Variants in APPBP2 observed in about 807,000 individuals in gnomAD.
APPBP2 encodes amyloid protein-binding protein 2.
A neutral mutation model predicts 76.0 loss-of-function variants in APPBP2; 15 were observed. The observed-to-expected ratio is 0.20, with a 90% CI of 0.13 to 0.30. The LOEUF (loss-of-function observed/expected upper bound fraction) is 0.30. Among genes scored for constraint, APPBP2 ranks in the 10% least tolerant of loss-of-function variants. The pLI is 1.00. For synonymous variants in APPBP2, 222 were observed against 242.2 expected, an observed-to-expected ratio of 0.92 and a Z score of 0.77; for missense variants, 401 against 687.2, an observed-to-expected ratio of 0.58 and a Z score of 4.66.
chr17:60,481,333 G>GT (rs1225908762), intron 3 of APPBP2, among the ~76,000 whole-genome samples: 2 of 152,184 alleles, frequency 1.3e-5, no homozygotes, highest in Non-Finnish European at 2.9e-5. Context: ...GCTCATGCCT[G>GT]TAATTCCAGC....
chr17:60,458,838 T>C (rs936499208), intron 9 of APPBP2, among the ~76,000 whole-genome samples: 1 of 151,658 alleles, frequency 6.6e-6, no homozygotes, highest in East Asian at 2.0e-4. Flanking sequence ...GCAGTGGTGA[T>C]CTTGGCTCAC....
At chr17:60,466,141 T>C (rs1247768808) in intron 5 of APPBP2, 150 bp downstream of exon 5, 2 of 751,166 alleles carry the variant, frequency 2.7e-6, no homozygotes, top group African/African-American at 1.8e-5. Context: ...CTTGTCTGAT[T>C]TTAAATTTTC....
chr17:60,461,599 A>G lies in APPBP2; in HGVS notation c.936+211T>C, dbSNP rs570957855. ...CTCCCACATATGAGCTCACAACCCA[A>G]TAATTCCTTTCCTGAATGATTTTCT... is the stretch of plus-strand genomic sequence containing the variant. On this transcript the variant is annotated intron_variant, in intron 8 of 12. Coordinates refer to ENST00000083182, the MANE Select transcript of APPBP2 (RefSeq NM_006380.5). 7.6e-5 allele frequency: 34 copies of G among 448,736 alleles called. 1 individual carries two copies. In the East Asian group the frequency reaches 7.7e-4, roughly 10 times the overall value. The allele number at this position is 448,736 out of a possible 1,614,324, so 27.8% of individuals were successfully genotyped here.
At position 60,526,113 on chromosome 17, in the gene APPBP2, G is replaced by A. The variant is rs1344198742; in HGVS notation, c.-182C>T. On this transcript the variant is annotated 5_prime_UTR_variant, in exon 1 of 13. Transcript: ENST00000083182. The stretch of plus-strand genomic sequence containing the variant: ...GGCAAACTGAGGGACGGCGGCAGCG[G>A]ACGCAGGCCCGAGTAAAAAGTGGGA... 6.6e-6 allele frequency: 4 copies of A among 609,366 alleles called. No homozygotes were observed. The African/African-American group carries it at 7.4e-5, about 11-fold the overall frequency. The allele number at this position is 609,366 out of a possible 1,614,324, so 37.7% of individuals were successfully genotyped here.
chr17:60,513,619 T>G (rs1195842173), intron 1 of APPBP2: 3 of 279,914 alleles, frequency 1.1e-5, no homozygotes, highest in African/African-American at 6.8e-5. Flanking sequence ...CCCAGCACTT[T>G]GAGAGGCCAA....
chr17:60,484,710 CTTTA>C (rs1050641285), intron 3 of APPBP2, among the ~76,000 whole-genome samples: 2 of 152,152 alleles, frequency 1.3e-5, no homozygotes, highest in African/African-American at 4.8e-5. Context: ...TCTGAATACC[CTTTA>C]TTTCTTTCCC....
At position 60,451,972 on chromosome 17, in the gene APPBP2, G is replaced by T; in HGVS notation, c.1412C>A (p.Ala471Asp). 6.2e-7 allele frequency: 1 copy of T among 1,613,658 alleles called. No individual in the cohort carries two copies. Among genetic ancestry groups the T allele is most frequent in the African/African-American group, 1.3e-5 (1 of 75,010 alleles). The change falls in exon 12 of 13, where the codon GCC becomes GAC. Residue 471 changes from alanine to aspartate, a missense_variant. Ala to Asp is a moderately radical substitution (Grantham distance 126). Around this residue, in one of 5 missense-constraint regions of APPBP2, gnomAD observed 130 missense variants for 322.7 expected, o/e 0.40. Coordinates refer to ENST00000083182, the MANE Select transcript of APPBP2 (RefSeq NM_006380.5). Reference protein sequence around the residue: ...QLLGQEDYEVALSVGHLASLY... With the variant: ...QLLGQEDYEVDLSVGHLASLY... ...AGAAGCCAGATGTCCCACTGAAAGG[G>T]CTACTTCATAATCTTCTTGACCAAG...
intron 4 of APPBP2, among the ~76,000 whole-genome samples, chr17:60,467,886 A>C (rs1475243480): frequency 1.3e-5 from 2 of 152,188 alleles, no homozygotes; most frequent in Non-Finnish European, 2.9e-5. Context: ...GAACAGAAAG[A>C]AGGCCAATTC....
intron 6 of APPBP2, chr17:60,462,363 A>G (rs2090481613): frequency 3.8e-6 from 1 of 263,680 alleles, no homozygotes; most frequent in Non-Finnish European, 7.0e-6. Context: ...TATTATTAAA[A>G]TAAAACAATG....
chr17:60,493,545 G>A (rs2090748112), intron 3 of APPBP2, among the ~76,000 whole-genome samples: 1 of 151,834 alleles, frequency 6.6e-6, no homozygotes, highest in Non-Finnish European at 1.5e-5. Flanking sequence ...TGTTGCCCAG[G>A]CTGGTCTCGA....
At chr17:60,472,057 C>T (rs1406367040) in intron 4 of APPBP2, among the ~76,000 whole-genome samples, 6 of 152,046 alleles carry the variant, frequency 3.9e-5, no homozygotes, top group South Asian at 2.1e-4. Context: ...ACCTGGGAGG[C>T]GGAAGTTGCA....
At chr17:60,457,509 C>A (rs1248175190) in intron 9 of APPBP2, among the ~76,000 whole-genome samples, 1 of 152,148 alleles carries the variant, frequency 6.6e-6, no homozygotes, top group East Asian at 1.9e-4. Flanking sequence ...TCACCGCAGC[C>A]TCAAACTCCT....
At chr17:60,490,243 C>T (rs1201371367) in intron 3 of APPBP2, among the ~76,000 whole-genome samples, 1 of 152,082 alleles carries the variant, frequency 6.6e-6, no homozygotes, top group African/African-American at 2.4e-5. Context: ...TGGTATAACA[C>T]CAGTGTCAAT....
At chr17:60,461,246 G>C (rs970236192) in intron 8 of APPBP2, 1 of 153,730 alleles carries the variant, frequency 6.5e-6, no homozygotes, top group Non-Finnish European at 1.4e-5. Context: ...ATTGTGGCAC[G>C]GGCCTGTAAT....
intron 9 of APPBP2, among the ~76,000 whole-genome samples, chr17:60,457,579 C>T (rs1469366910): frequency 6.6e-6 from 1 of 151,868 alleles, no homozygotes; most frequent in Admixed American, 6.6e-5. Flanking sequence ...GTGTACACTG[C>T]CATGCCCAAC....
intron 2 of APPBP2, among the ~76,000 whole-genome samples, chr17:60,498,415 A>T (rs1437609449): frequency 6.6e-6 from 1 of 152,142 alleles, no homozygotes; most frequent in African/African-American, 2.4e-5. Flanking sequence ...ATTGCTTTCA[A>T]ATTCTACTTC....
chr17:60,452,139 T>A, intron 11 of APPBP2, 94 bp from the exon 12 acceptor site: 1 of 1,236,136 alleles, frequency 8.1e-7, no homozygotes, highest in Non-Finnish European at 1.2e-6. Context: ...GCCAAAGACA[T>A]CTTATGAATG....
intron 5 of APPBP2, 34 bp downstream of exon 5, chr17:60,466,257 T>C (rs749401205): frequency 1.5e-5 from 23 of 1,586,044 alleles, no homozygotes; most frequent in East Asian, 1.1e-4. Context: ...TAGGTACTTA[T>C]TGGTCACAGT....
At chr17:60,511,570 C>A (rs1289651828) in intron 1 of APPBP2, among the ~76,000 whole-genome samples, 4 of 140,880 alleles carry the variant, frequency 2.8e-5, no homozygotes, top group African/African-American at 1.1e-4. Flanking sequence ...GGCGACAGAG[C>A]AAGACTCCAT....
Sources: allele counts gnomAD v4.1 joint callset (sites outside exome capture counted in the v4.1 genomes callset), GRCh38; gene constraint gnomAD v4.1.1; regional missense constraint gnomAD v4.1.1; transcripts MANE v1.5; gene names NCBI Gene and HGNC (gene_info 2026-07-23, HGNC 2026-07-21).